The following TENM4 variants were observed in gnomAD, a reference collection of about 807,000 sequenced individuals.
The protein encoded by TENM4 is teneurin-4.
In TENM4, 82 loss-of-function variants were observed where a neutral mutation model predicts 243.3. The ratio of observed to expected loss-of-function variants is 0.34; its 90% CI spans 0.28 to 0.40. TENM4 has a LOEUF of 0.40. TENM4 is among the 10% of genes least tolerant of loss of function. The probability of loss-of-function intolerance (pLI) is 1.00; values close to 1 mark genes in which losing one functional copy is unlikely to be tolerated. For missense variants in TENM4, 3,138 were observed against 3,673.3 expected, an observed-to-expected ratio of 0.85 and a Z score of 3.77; for synonymous variants, 1,412 against 1,456.3, an observed-to-expected ratio of 0.97 and a Z score of 0.69.
chr11:79,324,077 C>G (rs545989780), intron 1 of TENM4, among the ~76,000 whole-genome samples: 3 of 152,130 alleles, frequency 2.0e-5, no homozygotes, highest in Non-Finnish European at 2.9e-5. Flanking sequence ...ATAACCTACA[C>G]ACATCTTCCT....
intron 28 of TENM4, among the ~76,000 whole-genome samples, chr11:78,696,458 A>C (rs1858966431): frequency 6.8e-6 from 1 of 147,818 alleles, no homozygotes; most frequent in Non-Finnish European, 1.5e-5. Flanking sequence ...AAAGCGTGAC[A>C]TCTTGTGTAG....
At position 78,889,944 on chromosome 11, in the gene TENM4, T is replaced by C. The variant is rs1235884513; in HGVS notation, c.925A>G (p.Thr309Ala). The C allele has an allele frequency of 2.6e-6, 4 of 1,551,402 alleles. No individual in the cohort carries two copies. In the East Asian group the frequency reaches 7.3e-5, roughly 28 times the overall value. The change falls in exon 9 of 34, where the codon ACA (threonine) becomes GCA (alanine). Residue 309 changes from threonine to alanine, a missense_variant. Thr to Ala is a moderately conservative substitution (Grantham distance 58). Transcript: ENST00000278550. ...TSPGYPLTSSTVYSPPPRPLP... is the reference protein window; with the variant it reads ...TSPGYPLTSSAVYSPPPRPLP... The stretch of plus-strand genomic sequence containing the variant: ...GGTCGGGGCGGAGGAGAGTACACTG[T>C]GCTGGACGTCAGTGGGTACCCTGGT...
chr11:78,772,183 T>A (rs914451756), intron 17 of TENM4, among the ~76,000 whole-genome samples: 1 of 152,166 alleles, frequency 6.6e-6, no homozygotes, highest in Non-Finnish European at 1.5e-5. Context: ...GGGAAGTTTT[T>A]AAAAAATACT....
chr11:78,903,917 C>G (rs372834856), intron 6 of TENM4: 46 of 493,826 alleles, frequency 9.3e-5, no homozygotes, highest in African/African-American at 8.3e-4. Context: ...TGAAAATAAG[C>G]CCTGCCCCAG....
At chr11:79,228,426 G>T (rs779780759) in intron 2 of TENM4, among the ~76,000 whole-genome samples, 55 of 152,136 alleles carry the variant, frequency 3.6e-4, no homozygotes, top group Admixed American at 5.2e-4. Flanking sequence ...ATGAACTGCC[G>T]CATGCCTCAC....
At chr11:79,361,316 T>TA (rs1196087069) in intron 1 of TENM4, among the ~76,000 whole-genome samples, 1 of 152,256 alleles carries the variant, frequency 6.6e-6, no homozygotes, top group Non-Finnish European at 1.5e-5. Flanking sequence ...GTGTTCATTC[T>TA]TACCAGCCTC....
chr11:78,891,249 A>T lies in TENM4; in HGVS notation c.837T>A (p.Ala279=). Residue 279 remains alanine (A), a synonymous_variant, in exon 8 of 34, where the codon GCT becomes GCA. Transcript: ENST00000278550. ...GGGATGTCACCTACCCGTCACTGTA[A>T]GCCCCATCATGGCGGGAGGCGCCGA... ...DILGASRHDG[A]YSDGHFLFKP... 1.3e-6 allele frequency: 2 copies of T among 1,551,692 alleles called. No homozygotes were observed. The highest frequency in any genetic ancestry group is 3.3e-4 in the Middle Eastern group (2 of 5,992).
chr11:78,982,635 T>G (rs1315614040), intron 6 of TENM4, among the ~76,000 whole-genome samples: 2 of 152,188 alleles, frequency 1.3e-5, no homozygotes, highest in Non-Finnish European at 2.9e-5. Flanking sequence ...CTCTTCTTGC[T>G]GCCAATTTTC....
intron 19 of TENM4, among the ~76,000 whole-genome samples, chr11:78,739,710 C>G (rs77000894): frequency 1.3e-5 from 2 of 152,064 alleles, no homozygotes; most frequent in African/African-American, 4.8e-5. Flanking sequence ...AAAAGATCTA[C>G]GCTGGATGAA....
At chr11:78,992,474 T>C (rs1858070329) in intron 6 of TENM4, among the ~76,000 whole-genome samples, 1 of 152,210 alleles carries the variant, frequency 6.6e-6, no homozygotes, top group Non-Finnish European at 1.5e-5. Context: ...TTAGAAGACA[T>C]AGCTCATTCA....
chr11:79,011,284 G>A (rs948274111), intron 6 of TENM4, among the ~76,000 whole-genome samples: 1 of 152,164 alleles, frequency 6.6e-6, no homozygotes, highest in Non-Finnish European at 1.5e-5. Context: ...TCCCTTTTAA[G>A]TTGATGTCTG....
intron 4 of TENM4, among the ~76,000 whole-genome samples, chr11:79,099,369 T>G (rs1052109872): frequency 1.3e-5 from 2 of 152,152 alleles, no homozygotes; most frequent in African/African-American, 2.4e-5. Flanking sequence ...CCTGTCGTTC[T>G]CATGGTGTGA....
chr11:78,856,615 C>T (rs1001037119), intron 10 of TENM4, among the ~76,000 whole-genome samples: 5 of 151,972 alleles, frequency 3.3e-5, no homozygotes, highest in Non-Finnish European at 5.9e-5. Flanking sequence ...AATGAGTCCC[C>T]CAGCAGTGGG....
chr11:79,177,569 CTG>C (rs1368448194), intron 3 of TENM4, among the ~76,000 whole-genome samples: 2 of 152,170 alleles, frequency 1.3e-5, no homozygotes, highest in Non-Finnish European at 2.9e-5. Context: ...AAACAAAACT[CTG>C]ACATGTTAGG....
At position 78,750,849 on chromosome 11, in the gene TENM4, TTGTGTGTGTGTG is replaced by T. The variant is rs72172542; in HGVS notation, c.2756+5944_2756+5955del. 2.7e-5 allele frequency among the ~76,000 whole-genome samples: 4 copies of T among 145,712 alleles called. No individual in the cohort carries two copies. The East Asian group carries it at 6.1e-4, about 22-fold the overall frequency. On this transcript the variant is annotated intron_variant, in intron 19 of 33. Coordinates refer to ENST00000278550, the MANE Select transcript of TENM4 (RefSeq NM_001098816.3). ...CTGGTCAATATTTACCAAATGAGGC[TTGTGTGTGTGTG>T]TGTGTGTGTGTGTGTGTGTCTGTGT...
intron 2 of TENM4, among the ~76,000 whole-genome samples, chr11:79,277,530 C>A (rs1202674153): frequency 1.3e-5 from 2 of 152,150 alleles, no homozygotes; most frequent in African/African-American, 4.8e-5. Context: ...AAAGCCCTGG[C>A]TTTTCACCAT....
intron 4 of TENM4, among the ~76,000 whole-genome samples, chr11:79,141,172 G>T (rs1034436113): frequency 2.6e-5 from 4 of 152,040 alleles, no homozygotes; most frequent in African/African-American, 9.7e-5. Flanking sequence ...CTGGGCCTCA[G>T]ATTCCTCACC....
chr11:78,953,310 G>C (rs1857142698), intron 6 of TENM4, among the ~76,000 whole-genome samples: 1 of 152,158 alleles, frequency 6.6e-6, no homozygotes, highest in Admixed American at 6.5e-5. Flanking sequence ...GAGGGGGAGG[G>C]GGATTAAAGA....
chr11:79,440,629 G>C lies in TENM4; in HGVS notation c.-441C>G, dbSNP rs372718788. The C allele has an allele frequency of 6.6e-5, 10 of 152,184 alleles. No individual in the cohort carries two copies. The South Asian group carries it at 1.2e-3, about 19-fold the overall frequency. 9.4% of individuals were successfully genotyped at this position (152,184 alleles called of 1,614,324 possible). A position where few individuals can be genotyped will look rare whatever the true frequency, so the allele number is the denominator to read the frequency against. Reference sequence around the variant, plus strand: ...GCTCCTCTGCTCCGCGAGCCGTAGCGGGGCGCCCAGGAAGGAGCAGGTCCG... The same window carrying C: ...GCTCCTCTGCTCCGCGAGCCGTAGCCGGGCGCCCAGGAAGGAGCAGGTCCG... On this transcript the variant is annotated 5_prime_UTR_variant, in exon 1 of 34. Coordinates refer to ENST00000278550, the MANE Select transcript of TENM4 (RefSeq NM_001098816.3). The surrounding 1 kb of genome is among the most constrained non-coding windows in gnomAD (Gnocchi z 4.7).
Sources: allele counts gnomAD v4.1 joint callset (sites outside exome capture counted in the v4.1 genomes callset), GRCh38; gene constraint gnomAD v4.1.1; non-coding constraint Gnocchi (gnomAD v3.1); transcripts MANE v1.5; gene names NCBI Gene and HGNC (gene_info 2026-07-23, HGNC 2026-07-21).